Variants in TNIP1 observed in about 807,000 individuals in gnomAD.
The protein encoded by TNIP1 is TNFAIP3 interacting protein 1, also known as TNFAIP3-interacting protein 1.
Under a neutral mutation model 86.6 loss-of-function variants are expected in TNIP1, and 22 were observed. That is an observed-to-expected ratio of 0.25 (90% CI 0.18 to 0.36). TNIP1 has a LOEUF of 0.36. TNIP1 is among the 10% of genes least tolerant of loss of function. TNIP1 has a pLI of 1.00. For synonymous variants in TNIP1, 294 were observed against 313.0 expected (o/e 0.94, Z 0.64); for missense variants, 709 against 820.6 (o/e 0.86, Z 1.66).
chr5:151,030,631 G>A lies in TNIP1; in HGVS notation c.*82C>T. 6 of 1,606,754 alleles carry A rather than the reference G, an allele frequency of 3.7e-6. No individual in the cohort carries two copies. In the Admixed American group the frequency reaches 1.0e-4, roughly 27 times the overall value. On this transcript the variant is annotated 3_prime_UTR_variant, in exon 18 of 18. Coordinates refer to ENST00000521591, the MANE Select transcript of TNIP1 (RefSeq NM_006058.5). Reference sequence around the variant, plus strand: ...CCAGCTGAGGCTCTGGCCACACCGTGCAAGTGGCTTCTAGTTTCTTGGCAA... The same window carrying A: ...CCAGCTGAGGCTCTGGCCACACCGTACAAGTGGCTTCTAGTTTCTTGGCAA...
upstream of TNIP1, among the ~76,000 whole-genome samples, chr5:151,087,371 G>C (rs1764314936): frequency 6.6e-6 from 1 of 152,148 alleles, no homozygotes; most frequent in Non-Finnish European, 1.5e-5. Context: ...AGTTGGGGTT[G>C]GGGGGGATCT....
At chr5:151,077,062 T>G (rs1763473569) in intron 1 of TNIP1, among the ~76,000 whole-genome samples, 1 of 152,188 alleles carries the variant, frequency 6.6e-6, no homozygotes, top group Non-Finnish European at 1.5e-5. Context: ...AAAGAACAAG[T>G]TTATTTGGCT....
intron 1 of TNIP1, among the ~76,000 whole-genome samples, chr5:151,069,614 T>C (rs2113764141): frequency 6.6e-6 from 1 of 152,098 alleles, no homozygotes; most frequent in South Asian, 2.1e-4. Context: ...AGCAAATCTC[T>C]GGTACAGGGA....
chr5:151,053,476 A>G (rs1157288248), intron 6 of TNIP1, among the ~76,000 whole-genome samples: 1 of 152,096 alleles, frequency 6.6e-6, no homozygotes, highest in Non-Finnish European at 1.5e-5. Context: ...AGACAGTGAG[A>G]GTGGAAGTGT....
chr5:151,068,904 C>T (rs758778115), intron 1 of TNIP1, among the ~76,000 whole-genome samples: 24 of 152,252 alleles, frequency 1.6e-4, no homozygotes, highest in Non-Finnish European at 3.4e-4. Flanking sequence ...TTGCCCAAAC[C>T]AGAAACAGCT....
intron 11 of TNIP1, among the ~76,000 whole-genome samples, chr5:151,041,260 G>A (rs989125424): frequency 6.6e-6 from 1 of 152,028 alleles, no homozygotes; most frequent in Non-Finnish European, 1.5e-5. Flanking sequence ...TATTAGAGAC[G>A]GGGTTTCACC....
At chr5:151,033,127 CAAA>C (rs11375507) in intron 16 of TNIP1, among the ~76,000 whole-genome samples, 3 of 78,770 alleles carry the variant, frequency 3.8e-5, no homozygotes, top group South Asian at 6.3e-4. Flanking sequence ...AATTCCATCT[CAAA>C]AAAAAAAAAA....
intron 4 of TNIP1, 73 bp from the exon 5 acceptor site, chr5:151,060,468 G>C (rs2113673320): frequency 7.2e-7 from 1 of 1,381,768 alleles, no homozygotes; most frequent in Non-Finnish European, 1.0e-6. Context: ...CTGTGGCTGA[G>C]AGCAGCAAGG....
intron 1 of TNIP1, among the ~76,000 whole-genome samples, chr5:151,071,798 AAAG>A (rs1762849603): frequency 1.3e-5 from 2 of 152,052 alleles, no homozygotes; most frequent in South Asian, 4.1e-4. Flanking sequence ...AGTCACCCAC[AAAG>A]AAGGCCCCAC....
In TNIP1 at chr5:151,062,114, A is replaced by C; in HGVS notation, c.357+13T>G. On this transcript the variant is annotated intron_variant, in intron 4 of 17. Transcript: ENST00000521591. The stretch of plus-strand genomic sequence containing the variant: ...CCAGGCAACCTCCACCCATGACTCC[A>C]AATAAAACTTACACTGGATGGAGGC... The C allele has an allele frequency of 6.2e-7, 1 of 1,613,696 alleles. No homozygotes were observed. The highest frequency in any genetic ancestry group is 1.7e-5 in the Admixed American group (1 of 60,010).
chr5:151,040,434 A>G (rs1758271192), intron 11 of TNIP1, among the ~76,000 whole-genome samples: 2 of 152,122 alleles, frequency 1.3e-5, no homozygotes, highest in Admixed American at 1.3e-4. Flanking sequence ...CCTCCCTGGG[A>G]ATTGTTCTGG....
intron 4 of TNIP1, among the ~76,000 whole-genome samples, chr5:151,060,934 C>G (rs1761482756): frequency 6.6e-6 from 1 of 152,236 alleles, no homozygotes; most frequent in South Asian, 2.1e-4. Context: ...TTACGGCCAC[C>G]ACCAAGCATG....
chr5:151,032,401 C>CT lies in TNIP1; in HGVS notation c.1780-19dup. On this transcript the variant is annotated intron_variant, in intron 16 of 17. Transcript: ENST00000521591. The stretch of plus-strand genomic sequence containing the variant: ...TATTCCGGCTGCGACAAAACTGGTG[C>CT]TTAATAATCAATAATCACACCCAAA... 6.2e-7 allele frequency: 1 copy of CT among 1,612,916 alleles called. No homozygotes were observed. Among genetic ancestry groups the CT allele is most frequent in the East Asian group, 2.2e-5 (1 of 44,876 alleles).
chr5:151,053,948 G>A (rs796684834), intron 6 of TNIP1, among the ~76,000 whole-genome samples: 25 of 152,338 alleles, frequency 1.6e-4, no homozygotes, highest in African/African-American at 6.0e-4. Flanking sequence ...GACAGCCTTT[G>A]AGCTGGGCCA....
At chr5:151,065,282 T>C (rs73272818) in intron 1 of TNIP1, among the ~76,000 whole-genome samples, 151 bp from the exon 2 acceptor site, 17,227 of 152,230 alleles carry the variant, frequency 0.11, 1,139 homozygotes, top group African/African-American at 0.19. Context: ...GTCACCTCCT[T>C]TTATCTGGAC....
At chr5:151,083,396 A>G (rs1764156275), upstream of TNIP1, among the ~76,000 whole-genome samples, 1 of 152,192 alleles carries the variant, frequency 6.6e-6, no homozygotes, top group Non-Finnish European at 1.5e-5. Context: ...CAACCTCACC[A>G]GGCGCCATCC....
intron 1 of TNIP1, among the ~76,000 whole-genome samples, chr5:151,075,812 A>C (rs563193985): frequency 2.0e-5 from 3 of 152,350 alleles, no homozygotes; most frequent in East Asian, 3.9e-4. Flanking sequence ...TGCTCTGCCC[A>C]GTGGGTGGAG....
At chr5:151,057,360 G>A (rs1408405810) in intron 5 of TNIP1, among the ~76,000 whole-genome samples, 3 of 152,222 alleles carry the variant, frequency 2.0e-5, no homozygotes, top group African/African-American at 7.2e-5. Flanking sequence ...GGACATCACT[G>A]CACAGTCAGC....
chr5:151,041,703 C>T (rs1758437705), intron 11 of TNIP1, among the ~76,000 whole-genome samples: 1 of 152,170 alleles, frequency 6.6e-6, no homozygotes, highest in Admixed American at 6.5e-5. Flanking sequence ...ACTTTATTTG[C>T]TTCTGTAATT....
Sources: gnomAD v4.1 joint callset for allele counts (sites outside exome capture counted in the v4.1 genomes callset) on GRCh38, gnomAD v4.1.1 for gene constraint, MANE v1.5 for transcripts, NCBI Gene and HGNC (gene_info 2026-07-23, HGNC 2026-07-21) for gene names.